Variants in DNHD1 observed in about 807,000 individuals in gnomAD.
DNHD1 encodes dynein heavy chain domain 1, also known as dynein heavy chain domain-containing protein 1.
DNHD1 carries 383 observed loss-of-function variants against 458.1 expected under a neutral mutation model. The observed-to-expected ratio is 0.84, with a 90% CI of 0.77 to 0.91. The LOEUF (loss-of-function observed/expected upper bound fraction) is 0.91, where lower values mean the gene tolerates loss of function less well. Among genes scored for constraint, DNHD1 ranks in the 40% least tolerant of loss-of-function variants. The pLI is 0.00. For synonymous variants in DNHD1, 2,203 were observed against 2,376.9 expected (o/e 0.93, Z 2.13); for missense variants, 5,336 against 5,866.1 (o/e 0.91, Z 2.95).
chr11:6,501,013 T>C (rs947425533), intron 3 of DNHD1, among the ~76,000 whole-genome samples: 2 of 151,932 alleles, frequency 1.3e-5, no homozygotes, highest in African/African-American at 4.8e-5. Flanking sequence ...AGTGTTCAAG[T>C]CTAGATTAGA....
intron 18 of DNHD1, among the ~76,000 whole-genome samples, chr11:6,543,074 A>G (rs997310303): frequency 2.6e-5 from 4 of 152,184 alleles, no homozygotes; most frequent in Admixed American, 6.5e-5. Context: ...TCACATGGGG[A>G]AGAGTAAGGG....
At chr11:6,570,463 A>T in intron 41 of DNHD1, 67 bp downstream of exon 41, 2 of 1,519,494 alleles carry the variant, frequency 1.3e-6, no homozygotes, top group Non-Finnish European at 1.8e-6. Flanking sequence ...CCCCCACAGA[A>T]ATGTGGACAG....
chr11:6,551,818 G>A (rs1038056364), intron 24 of DNHD1, among the ~76,000 whole-genome samples: 2 of 152,156 alleles, frequency 1.3e-5, no homozygotes, highest in African/African-American at 4.8e-5. Context: ...GCATGTACCT[G>A]TAATCACAGC....
intron 18 of DNHD1, among the ~76,000 whole-genome samples, chr11:6,543,865 G>T (rs1853150241): frequency 6.8e-6 from 1 of 147,704 alleles, no homozygotes; most frequent in Non-Finnish European, 1.5e-5. Context: ...GGAGGCTGAG[G>T]CAGGTGAATT....
chr11:6,516,981 A>T (rs1167332804), intron 7 of DNHD1, among the ~76,000 whole-genome samples: 1 of 152,138 alleles, frequency 6.6e-6, no homozygotes, highest in African/African-American at 2.4e-5. Context: ...CCTCTATAAC[A>T]AAATACCATA....
chr11:6,508,757 CT>C (rs1852275612), intron 4 of DNHD1, 122 bp from the exon 5 acceptor site: 1 of 800,662 alleles, frequency 1.2e-6, no homozygotes, highest in Admixed American at 2.9e-5. Flanking sequence ...CTCTTTGCCC[CT>C]TTTTCTCCTT....
chr11:6,561,281 A>G (rs1385802015), intron 28 of DNHD1, among the ~76,000 whole-genome samples: 2 of 152,136 alleles, frequency 1.3e-5, no homozygotes, highest in Admixed American at 1.3e-4. Flanking sequence ...ACAAAAAATT[A>G]CTCAGGCATG....
intron 24 of DNHD1, among the ~76,000 whole-genome samples, chr11:6,552,548 G>A (rs1057215348): frequency 2.0e-5 from 3 of 151,326 alleles, no homozygotes; most frequent in Non-Finnish European, 4.4e-5. Flanking sequence ...ATATAAGTAG[G>A]TTTAATTGAC....
At position 6,563,818 on chromosome 11, in the gene DNHD1, G is replaced by A; in HGVS notation, c.9978G>A (p.Leu3326=). Residue 3326 remains leucine, a synonymous_variant, in exon 31 of 43, where the codon CTG becomes CTA. Coordinates refer to ENST00000254579, the MANE Select transcript of DNHD1 (RefSeq NM_144666.3). ...CAGTGAGCCGACCTGCAGCCAGCCTGGCAGCCTGGCTCTGGGCTGTTCTGC... is the reference window on the plus strand; with the variant it reads ...CAGTGAGCCGACCTGCAGCCAGCCTAGCAGCCTGGCTCTGGGCTGTTCTGC... The part of the protein sequence containing the change: ...LRAVSRPAAS[L]AAWLWAVLHY... The A allele has an allele frequency of 3.2e-6, 5 of 1,551,688 alleles. No individual in the cohort carries two copies. The highest frequency in any genetic ancestry group is 1.2e-5 in the South Asian group (1 of 84,066).
rs1339887818 is a variant in DNHD1 at position 6,565,973 on chromosome 11, C to T, written c.11035C>T (p.Gln3679Ter). 33 of 1,551,514 alleles carry T rather than the reference C, an allele frequency of 2.1e-5. No homozygotes were observed. Among genetic ancestry groups the T allele is most frequent in the Non-Finnish European group, 8.7e-6 (10 of 1,146,992 alleles). Residue 3679 changes from glutamine to a stop codon, truncating the protein, a stop_gained, in exon 33 of 43, where the codon CAG becomes TAG. Transcript: ENST00000254579. LOFTEE classifies it high-confidence loss of function. ...TGACCCAGAGCTGGGTTCTCAGCTC[C>T]AGGAGGCAGCTGCTTGTGGTGAGAG... Reference protein sequence around the residue: ...GADPELGSQLQEAAACGLPVL... With the variant: ...GADPELGSQL
At chr11:6,499,003 A>C (rs1852088019) in intron 3 of DNHD1, 42 bp downstream of exon 3, 1 of 1,525,120 alleles carries the variant, frequency 6.6e-7, no homozygotes, top group African/African-American at 1.4e-5. Context: ...AGAGGAGAAA[A>C]AGTTGCTGTT....
rs1219485908 is a variant in DNHD1 at position 6,540,126 on chromosome 11, G to A, written c.3628+43G>A. 5.3e-6 allele frequency: 8 copies of A among 1,523,168 alleles called. No individual in the cohort carries two copies. In the South Asian group the frequency reaches 8.4e-5, roughly 16 times the overall value. The allele number at this position is 1,523,168 out of a possible 1,614,324, so 94.4% of individuals were successfully genotyped here. A position where few individuals can be genotyped will look rare whatever the true frequency, so the allele number is the denominator to read the frequency against. ...TGACCTAGTGAAAGCCCCCTGCTGG[G>A]GGCCATTTTCATCCACCATATCCAT... On this transcript the variant is annotated intron_variant, in intron 18 of 42. Transcript: ENST00000254579.
In DNHD1 at chr11:6,548,845, AAC is replaced by A; in HGVS notation, c.7303_7304del (p.Gln2435SerfsTer12). Reference sequence around the variant, plus strand: ...TGCTGAGCAGAGGAATCCAGGGCCAAACACAAGCCAGCCCACAGCCTGGGCAT... The same window carrying A: ...TGCTGAGCAGAGGAATCCAGGGCCAAACAAGCCAGCCCACAGCCTGGGCAT... ...LLLSRGIQGQ[T>X]QASPQPGHHQ... is the part of the protein sequence containing the mutation. On this transcript the variant is annotated frameshift_variant, in exon 24 of 43. Coordinates refer to ENST00000254579, the MANE Select transcript of DNHD1 (RefSeq NM_144666.3). LOFTEE classifies it high-confidence loss of function. This position sits in a 1 kb window ranked among gnomAD's most constrained non-coding sequence, Gnocchi z 4.4. 6.4e-7 allele frequency: 1 copy of A among 1,551,672 alleles called. No homozygotes were observed. The highest frequency in any genetic ancestry group is 2.4e-5 in the East Asian group (1 of 40,920).
intron 10 of DNHD1, among the ~76,000 whole-genome samples, chr11:6,525,346 T>C (rs1852689111): frequency 6.6e-6 from 1 of 152,172 alleles, no homozygotes; most frequent in Admixed American, 6.5e-5. Context: ...CAGTGTCTCA[T>C]GGGAGATGGT....
In DNHD1 at chr11:6,555,819, A is replaced by C. The variant is rs148242089; in HGVS notation, c.7388-864A>C. Reference sequence around the variant, plus strand: ...GGTGGCAGAGGGATTGATTGGCTTTAAAGGAGCATGAGGAACTTTCTAGGG... The same window carrying C: ...GGTGGCAGAGGGATTGATTGGCTTTCAAGGAGCATGAGGAACTTTCTAGGG... On this transcript the variant is annotated intron_variant, in intron 24 of 42. Transcript: ENST00000254579. Among the ~76,000 whole-genome samples the C allele has an allele frequency of 1.5e-3, 230 of 152,318 alleles. 1 individual carries two copies. The highest frequency in any genetic ancestry group is 5.3e-3 in the African/African-American group (220 of 41,564).
At position 6,537,718 on chromosome 11, in the gene DNHD1, G is replaced by A. The variant is rs201814582; in HGVS notation, c.2999-665G>A. On this transcript the variant is annotated intron_variant, in intron 14 of 42. Coordinates refer to ENST00000254579, the MANE Select transcript of DNHD1 (RefSeq NM_144666.3). ...GAGGCCGAGGCGGGCGGATCACGAG[G>A]TCAGGAGTTCGAGACAAGCCTGGCC... Among the ~76,000 whole-genome samples, 21 of 152,242 alleles carry A rather than the reference G, an allele frequency of 1.4e-4. No individual in the cohort carries two copies. In the East Asian group the frequency reaches 4.1e-3, roughly 29 times the overall value.
Position 6,519,485 on chromosome 11 carries a change from T to C in DNHD1, c.1393-115T>C, listed in dbSNP as rs910749238. ...CTCTACTAAAAAGGAGCCCTCCATA[T>C]GTATATCTAGGTTCTAGGTCCCAGA... On this transcript the variant is annotated intron_variant, in intron 7 of 42. Transcript: ENST00000254579. The C allele has an allele frequency of 2.7e-5, 31 of 1,167,282 alleles. No homozygotes were observed. The African/African-American group carries it at 4.6e-4, about 17-fold the overall frequency. 72.3% of individuals were successfully genotyped at this position (1,167,282 alleles called of 1,614,324 possible). A position where few individuals can be genotyped will look rare whatever the true frequency, so the allele number is the denominator to read the frequency against.
intron 20 of DNHD1, 57 bp from the exon 21 acceptor site, chr11:6,544,735 G>T (rs1853169451): frequency 4.5e-6 from 7 of 1,540,416 alleles, no homozygotes; most frequent in African/African-American, 1.4e-5. Context: ...CTCAGCGTGG[G>T]AAAGGGGAGC....
At chr11:6,555,587 G>A (rs1260807655) in intron 24 of DNHD1, among the ~76,000 whole-genome samples, 2 of 152,092 alleles carry the variant, frequency 1.3e-5, no homozygotes, top group African/African-American at 2.4e-5. Flanking sequence ...TTAACTGGGG[G>A]CTCTCAGAAA....
Sources: gnomAD v4.1 joint callset for allele counts (sites outside exome capture counted in the v4.1 genomes callset) on GRCh38, gnomAD v4.1.1 for gene constraint, Gnocchi (gnomAD v3.1) non-coding constraint, MANE v1.5 for transcripts, NCBI Gene and HGNC (gene_info 2026-07-23, HGNC 2026-07-21) for gene names.